Variants in FGF12 observed in about 807,000 individuals in gnomAD.
The protein encoded by FGF12 is fibroblast growth factor 12, also known as fibroblast growth factor 12B.
In FGF12, 14 loss-of-function variants were observed where a neutral mutation model predicts 23.6. The ratio of observed to expected loss-of-function variants is 0.59; its 90% CI spans 0.39 to 0.93. The LOEUF is 0.93. Among genes scored for constraint, FGF12 ranks in the 40% least tolerant of loss-of-function variants. The pLI, the probability that FGF12 is intolerant of heterozygous loss-of-function variation, is 0.00. For missense variants in FGF12, 175 were observed against 217.8 expected (o/e 0.80, Z 1.24); for synonymous variants, 62 against 77.3 (o/e 0.80, Z 1.04).
intron 2 of FGF12, among the ~76,000 whole-genome samples, chr3:192,577,467 G>A (rs1298031063): frequency 6.6e-6 from 1 of 152,164 alleles, no homozygotes; most frequent in African/African-American, 2.4e-5. Context: ...ATGTAACAAA[G>A]TGGAAACATG....
chr3:192,211,001 A>G (rs1477306054), intron 4 of FGF12, among the ~76,000 whole-genome samples: 1 of 152,210 alleles, frequency 6.6e-6, no homozygotes, highest in Admixed American at 6.5e-5. Context: ...TGCAAGGTTT[A>G]AAGCAGAGGT....
At chr3:192,393,541 T>C (rs1720396066) in intron 2 of FGF12, among the ~76,000 whole-genome samples, 1 of 152,122 alleles carries the variant, frequency 6.6e-6, no homozygotes, top group African/African-American at 2.4e-5. Flanking sequence ...TTTGGTGAAG[T>C]AACATGACCA....
At chr3:192,701,977 C>T (rs1386191278) in intron 2 of FGF12, among the ~76,000 whole-genome samples, 1 of 152,126 alleles carries the variant, frequency 6.6e-6, no homozygotes, top group Non-Finnish European at 1.5e-5. Context: ...ACTTATTCAT[C>T]CTACATAACT....
chr3:192,414,572 C>T (rs3109186), intron 2 of FGF12, among the ~76,000 whole-genome samples: 58,190 of 152,016 alleles, frequency 0.38, 11,767 homozygotes, highest in East Asian at 0.6. Context: ...CTCACTGAGA[C>T]TCTTCAACAA....
chr3:192,634,702 A>G (rs1715515512), intron 2 of FGF12, among the ~76,000 whole-genome samples: 1 of 152,190 alleles, frequency 6.6e-6, no homozygotes, highest in Non-Finnish European at 1.5e-5. Flanking sequence ...CTAATAAATG[A>G]ATAAATTACT....
At chr3:192,395,554 C>A (rs867155819) in intron 2 of FGF12, among the ~76,000 whole-genome samples, 1 of 152,170 alleles carries the variant, frequency 6.6e-6, no homozygotes, top group Admixed American at 6.5e-5. Context: ...GAATTAATTT[C>A]GTTTTGATGA....
intron 2 of FGF12, among the ~76,000 whole-genome samples, chr3:192,627,658 T>A (rs544629359): frequency 7.2e-4 from 110 of 152,258 alleles, no homozygotes; most frequent in African/African-American, 2.6e-3. Context: ...AGGGATATCA[T>A]TTATTTGAAA....
chr3:192,439,758 C>CCT (rs1230474729), intron 2 of FGF12, among the ~76,000 whole-genome samples: 1 of 151,958 alleles, frequency 6.6e-6, no homozygotes, highest in Non-Finnish European at 1.5e-5. Flanking sequence ...GGGTGAATCA[C>CCT]AAGGTCAGGA....
chr3:192,657,831 G>T (rs1252543243), intron 2 of FGF12, among the ~76,000 whole-genome samples: 3 of 152,144 alleles, frequency 2.0e-5, no homozygotes, highest in Non-Finnish European at 4.4e-5. Flanking sequence ...TTTCAAACAT[G>T]CAGCTCCCAT....
chr3:192,388,267 AAATAAC>A (rs1189069532), intron 2 of FGF12, among the ~76,000 whole-genome samples: 2 of 152,214 alleles, frequency 1.3e-5, no homozygotes, highest in Non-Finnish European at 2.9e-5. Context: ...CTATCTAAAA[AAATAAC>A]AATAATACAT....
intron 2 of FGF12, among the ~76,000 whole-genome samples, chr3:192,447,102 T>C (rs956740300): frequency 4.6e-5 from 7 of 152,218 alleles, no homozygotes; most frequent in Non-Finnish European, 5.9e-5. Flanking sequence ...ATCGCTTATT[T>C]ATTGTCTTCC....
At chr3:192,627,831 A>T (rs1715228570) in intron 2 of FGF12, among the ~76,000 whole-genome samples, 1 of 144,992 alleles carries the variant, frequency 6.9e-6, no homozygotes, top group African/African-American at 2.5e-5. Flanking sequence ...CCTCAGTTTG[A>T]CTTGTACTCT....
At chr3:192,575,757 C>T (rs973335330) in intron 2 of FGF12, among the ~76,000 whole-genome samples, 3 of 151,404 alleles carry the variant, frequency 2.0e-5, no homozygotes, top group Non-Finnish European at 4.4e-5. Context: ...CTCTAAATGA[C>T]TCTGGCCTAT....
chr3:192,660,335 G>C (rs1214216555), intron 2 of FGF12, among the ~76,000 whole-genome samples: 3 of 126,502 alleles, frequency 2.4e-5, no homozygotes, highest in Non-Finnish European at 4.8e-5. Flanking sequence ...ACAAGAAGGG[G>C]AACATCACAC....
At chr3:192,370,231 T>C (rs554539341) in intron 2 of FGF12, among the ~76,000 whole-genome samples, 1 of 152,360 alleles carries the variant, frequency 6.6e-6, no homozygotes, top group East Asian at 1.9e-4. Flanking sequence ...ACTTTTCTAA[T>C]TATACATCTC....
intron 2 of FGF12, among the ~76,000 whole-genome samples, chr3:192,400,931 G>A (rs1411092571): frequency 6.6e-6 from 1 of 152,044 alleles, no homozygotes; most frequent in East Asian, 1.9e-4. Flanking sequence ...TAGACCAGTG[G>A]TTCTCAAACT....
chr3:192,233,307 T>A (rs971744636), intron 4 of FGF12, among the ~76,000 whole-genome samples: 1 of 152,182 alleles, frequency 6.6e-6, no homozygotes, highest in Non-Finnish European at 1.5e-5. Context: ...ATGTTAGTGA[T>A]GTTGAACATT....
intron 2 of FGF12, among the ~76,000 whole-genome samples, chr3:192,507,082 C>T (rs937217472): frequency 4.0e-4 from 60 of 151,788 alleles, no homozygotes; most frequent in African/African-American, 1.3e-3. Context: ...TTAGTAGAGA[C>T]GGGGTTTCAC....
intron 4 of FGF12, among the ~76,000 whole-genome samples, chr3:192,174,418 G>A (rs1450062285): frequency 1.3e-5 from 2 of 151,386 alleles, no homozygotes; most frequent in African/African-American, 4.8e-5. Context: ...TTTCCATTCA[G>A]TATAATTCCA....
Sources: gnomAD v4.1 joint callset for allele counts (sites outside exome capture counted in the v4.1 genomes callset) on GRCh38, gnomAD v4.1.1 for gene constraint, MANE v1.5 for transcripts, NCBI Gene and HGNC (gene_info 2026-07-23, HGNC 2026-07-21) for gene names.